Variants in DLGAP2 observed in about 807,000 individuals in gnomAD.
DLGAP2 encodes disks large-associated protein 2.
Under a neutral mutation model 100.3 loss-of-function variants are expected in DLGAP2, and 26 were observed. The observed-to-expected ratio is 0.26, with a 90% CI of 0.19 to 0.36. The LOEUF is 0.36. DLGAP2 is among the 10% of genes least tolerant of loss of function. The pLI is 1.00. For missense variants in DLGAP2, 1,858 were observed against 1,453.2 expected, an observed-to-expected ratio of 1.28 and a Z score of -4.53; for synonymous variants, 886 against 630.1, an observed-to-expected ratio of 1.41 and a Z score of -6.08.
intron 2 of DLGAP2, among the ~76,000 whole-genome samples, chr8:1,079,197 C>T (rs1265689063): frequency 2.0e-5 from 3 of 151,986 alleles, no homozygotes; most frequent in Non-Finnish European, 4.4e-5. Flanking sequence ...TACATATGTT[C>T]CTTGGTGAGG....
chr8:1,596,925 A>G (rs1173093017), intron 6 of DLGAP2, among the ~76,000 whole-genome samples: 7 of 152,132 alleles, frequency 4.6e-5, no homozygotes, highest in Admixed American at 4.6e-4. Context: ...TGTTTTAGTC[A>G]TGAAGTCTTT....
chr8:1,470,775 A>ACCCCTC (rs1563168449), intron 3 of DLGAP2, among the ~76,000 whole-genome samples: 1 of 75,978 alleles, frequency 1.3e-5, no homozygotes, highest in Non-Finnish European at 3.2e-5. Flanking sequence ...GCCTTTCCCG[A>ACCCCTC]CTCCCCCAGC....
intron 3 of DLGAP2, among the ~76,000 whole-genome samples, chr8:1,440,948 G>A (rs1797812181): frequency 6.6e-6 from 1 of 152,172 alleles, no homozygotes; most frequent in South Asian, 2.1e-4. Context: ...CAAATTTAAT[G>A]CAAAAGCACG....
intron 1 of DLGAP2, chr8:822,107 G>A (rs781355055): frequency 7.5e-6 from 3 of 399,096 alleles, no homozygotes; most frequent in Non-Finnish European, 1.3e-5. Context: ...CTCGCCATCC[G>A]AGGCTTGGCC....
intron 3 of DLGAP2, among the ~76,000 whole-genome samples, chr8:1,435,151 A>G (rs545886584): frequency 1.6e-3 from 244 of 152,332 alleles, no homozygotes; most frequent in African/African-American, 5.6e-3. Context: ...GAACAAGCAC[A>G]GTTTGGGGAT....
chr8:1,631,416 T>G (rs1347867788), intron 7 of DLGAP2, among the ~76,000 whole-genome samples: 1 of 152,122 alleles, frequency 6.6e-6, no homozygotes, highest in Non-Finnish European at 1.5e-5. Flanking sequence ...ATCTAAGACT[T>G]TTCCATAAAA....
At chr8:1,463,843 G>A (rs1460150077) in intron 3 of DLGAP2, among the ~76,000 whole-genome samples, 1 of 152,182 alleles carries the variant, frequency 6.6e-6, no homozygotes, top group East Asian at 1.9e-4. Flanking sequence ...GGTTTGAGCT[G>A]ATTCACAAGC....
At chr8:1,194,050 C>T (rs764669282) in intron 2 of DLGAP2, among the ~76,000 whole-genome samples, 5 of 152,120 alleles carry the variant, frequency 3.3e-5, no homozygotes, top group Admixed American at 2.0e-4. Context: ...CTGTGACATT[C>T]AAGTCAACGT....
At chr8:1,270,738 GTCTCTCTGTGTGTCTACC>G (rs1379710833) in intron 3 of DLGAP2, among the ~76,000 whole-genome samples, 1 of 151,086 alleles carries the variant, frequency 6.6e-6, no homozygotes, top group Non-Finnish European at 1.5e-5. Context: ...CTCTCTTTGT[GTCTCTCTGTGTGTCTACC>G]TCTCTCTGTG....
chr8:984,228 C>T (rs79851116), intron 2 of DLGAP2, among the ~76,000 whole-genome samples: 1,934 of 152,318 alleles, frequency 0.013, 46 homozygotes, highest in African/African-American at 0.044. Flanking sequence ...ACCTTGGGCA[C>T]AGCACAGCTT....
chr8:1,486,369 C>T (rs149070305), intron 3 of DLGAP2, among the ~76,000 whole-genome samples: 7 of 152,310 alleles, frequency 4.6e-5, no homozygotes, highest in African/African-American at 1.7e-4. Flanking sequence ...TGTGAAATCT[C>T]GGCTCCTGGA....
chr8:1,622,940 G>A lies in DLGAP2; in HGVS notation c.1443-3800G>A, dbSNP rs113180305. Reference sequence around the variant, plus strand: ...GGGACTTCACCCTGTGTCACCTGGCGGGGCCACCGGAGGGTGCATCCCCCC... The same window carrying A: ...GGGACTTCACCCTGTGTCACCTGGCAGGGCCACCGGAGGGTGCATCCCCCC... On this transcript the variant is annotated intron_variant, in intron 6 of 14. Coordinates refer to ENST00000637795, the MANE Select transcript of DLGAP2 (RefSeq NM_001346810.2). Among the ~76,000 whole-genome samples, 230 of 152,220 alleles carry A rather than the reference G, an allele frequency of 1.5e-3. 3 individuals are homozygous for A. Among genetic ancestry groups the A allele is most frequent in the South Asian group, 9.5e-3 (46 of 4,818 alleles).
intron 3 of DLGAP2, among the ~76,000 whole-genome samples, chr8:1,496,607 C>T (rs1020625824): frequency 5.6e-4 from 86 of 152,264 alleles, no homozygotes; most frequent in African/African-American, 1.9e-3. Flanking sequence ...GTGATCACGG[C>T]GCCCTATGTT....
intron 4 of DLGAP2, among the ~76,000 whole-genome samples, chr8:1,530,732 T>G (rs562210511): frequency 6.6e-6 from 1 of 152,368 alleles, no homozygotes; most frequent in Non-Finnish European, 1.5e-5. Flanking sequence ...TCCACGTTCT[T>G]CTGCCATGGC....
At chr8:1,164,041 G>C (rs1324913663) in intron 2 of DLGAP2, among the ~76,000 whole-genome samples, 2 of 152,160 alleles carry the variant, frequency 1.3e-5, no homozygotes, top group African/African-American at 2.4e-5. Context: ...CTCCTCTAGT[G>C]AGACTCGGTC....
At chr8:1,140,058 A>G (rs750101493) in intron 2 of DLGAP2, among the ~76,000 whole-genome samples, 14 of 152,098 alleles carry the variant, frequency 9.2e-5, no homozygotes, top group African/African-American at 1.9e-4. Flanking sequence ...CTTTTTTTCT[A>G]TGTAAGCATC....
intron 3 of DLGAP2, among the ~76,000 whole-genome samples, chr8:1,463,354 G>T (rs548769950): frequency 2.0e-5 from 3 of 152,234 alleles, no homozygotes; most frequent in Non-Finnish European, 2.9e-5. Flanking sequence ...ACTGCGTTAC[G>T]TGTGTCATAA....
chr8:1,658,669 T>C (rs1024485311), intron 8 of DLGAP2, among the ~76,000 whole-genome samples: 1 of 152,236 alleles, frequency 6.6e-6, no homozygotes. Context: ...AGTTTGTATT[T>C]CTGTGGGATC....
At chr8:1,568,789 G>C (rs1802528208) in intron 6 of DLGAP2, among the ~76,000 whole-genome samples, 1 of 132,418 alleles carries the variant, frequency 7.6e-6, no homozygotes, top group African/African-American at 3.0e-5. Context: ...ATCCGTCTCT[G>C]CCCGTGGCCC....
Sources: allele counts gnomAD v4.1 joint callset (sites outside exome capture counted in the v4.1 genomes callset), GRCh38; gene constraint gnomAD v4.1.1; transcripts MANE v1.5; gene names NCBI Gene and HGNC (gene_info 2026-07-23, HGNC 2026-07-21).